MAP6: variants seen among roughly 807,000 people sequenced by gnomAD.
MAP6 encodes the protein microtubule-associated protein 6.
In MAP6, 26 loss-of-function variants were observed where a neutral mutation model predicts 42.4. The observed-to-expected ratio is 0.61, with a 90% confidence interval of 0.45 to 0.85. The LOEUF (loss-of-function observed/expected upper bound fraction) is 0.85, where lower values mean the gene tolerates loss of function less well. Ranked by LOEUF, MAP6 falls within the 40% of genes least tolerant of loss-of-function variation. The probability of loss-of-function intolerance (pLI) is 0.00; values close to 1 mark genes in which losing one functional copy is unlikely to be tolerated. For missense variants in MAP6, 966 were observed against 1,099.0 expected, an observed-to-expected ratio of 0.88 and a Z score of 1.71; for synonymous variants, 418 against 443.8, an observed-to-expected ratio of 0.94 and a Z score of 0.73.
At chr11:75,602,904 G>A (rs1942690319) in intron 3 of MAP6, 4 of 985,654 alleles carry the variant, frequency 4.1e-6, no homozygotes, top group Non-Finnish European at 3.6e-6. Context: ...AAAACTGTTT[G>A]TTTGTTTGTT....
In MAP6 at chr11:75,668,935, C is replaced by G. The variant is rs1475618326; in HGVS notation, c.-566G>C. 1 of 172,730 alleles carries G rather than the reference C, an allele frequency of 5.8e-6. No individual in the cohort carries two copies. The highest frequency in any genetic ancestry group is 1.2e-5 in the Non-Finnish European group (1 of 80,444). 10.7% of individuals were successfully genotyped at this position (172,730 alleles called of 1,614,324 possible). On this transcript the variant is annotated 5_prime_UTR_variant, in exon 1 of 4. Coordinates refer to ENST00000304771, the MANE Select transcript of MAP6 (RefSeq NM_033063.2). The stretch of plus-strand genomic sequence containing the variant: ...AGGATGCCGCAGCCGCCGCCGCCAC[C>G]GCCTCTTCTCCTGGGAAGCGACCCC...
chr11:75,616,741 A>G (rs1943000433), intron 1 of MAP6, among the ~76,000 whole-genome samples: 2 of 152,238 alleles, frequency 1.3e-5, no homozygotes, highest in Non-Finnish European at 2.9e-5. Context: ...ATGTATGTGT[A>G]CATGCTTGTG....
chr11:75,639,620 G>A (rs969990742), intron 1 of MAP6, among the ~76,000 whole-genome samples: 5 of 152,174 alleles, frequency 3.3e-5, no homozygotes, highest in African/African-American at 1.2e-4. Flanking sequence ...AGCTAAACCC[G>A]ACTGAAAGGA....
intron 1 of MAP6, among the ~76,000 whole-genome samples, chr11:75,624,640 T>G (rs904511901): frequency 4.6e-5 from 7 of 152,192 alleles, no homozygotes; most frequent in African/African-American, 1.7e-4. Context: ...CTGCTTCTCT[T>G]TTCTACCCGA....
Position 75,668,078 on chromosome 11 carries a change from C to G in MAP6, c.292G>C (p.Gly98Arg). Residue 98 changes from glycine (G) to arginine (R), a missense_variant, in exon 1 of 4, where the codon GGC (glycine) becomes CGC (arginine). Around this residue, in one of 2 missense-constraint regions of MAP6, gnomAD observed 943 missense variants for 1,049.9 expected, o/e 0.90. Coordinates refer to ENST00000304771, the MANE Select transcript of MAP6 (RefSeq NM_033063.2). ...GGGCCCGGCCCGCTCCGGCCGGGGCCCGCCGCCGGCTCGCGCTCGCCGGTA... is the reference window on the plus strand; with the variant it reads ...GGGCCCGGCCCGCTCCGGCCGGGGCGCGCCGCCGGCTCGCGCTCGCCGGTA... ...GPTGEREPAA[G>R]PGRSGPGPGL... is the part of the protein sequence containing the mutation. 8.2e-7 allele frequency: 1 copy of G among 1,220,764 alleles called. No homozygotes were observed. Among genetic ancestry groups the G allele is most frequent in the Non-Finnish European group, 1.0e-6 (1 of 983,950 alleles). 75.6% of individuals were successfully genotyped at this position (1,220,764 alleles called of 1,614,324 possible).
At chr11:75,637,158 C>A (rs918339879) in intron 1 of MAP6, among the ~76,000 whole-genome samples, 1 of 152,186 alleles carries the variant, frequency 6.6e-6, no homozygotes. Flanking sequence ...GCAAAGCCTT[C>A]TATTAGTGAT....
At chr11:75,637,293 C>T (rs1943385345) in intron 1 of MAP6, among the ~76,000 whole-genome samples, 1 of 152,290 alleles carries the variant, frequency 6.6e-6, no homozygotes, top group East Asian at 1.9e-4. Flanking sequence ...GAATTATTCA[C>T]AGGCTCCTTT....
At chr11:75,606,149 C>T in intron 2 of MAP6, 145 bp from the exon 3 acceptor site, 1 of 961,862 alleles carries the variant, frequency 1.0e-6, no homozygotes, top group Non-Finnish European at 1.5e-6. Flanking sequence ...AAGGTGTTCC[C>T]AAGGACATTA....
chr11:75,642,195 C>T (rs1943482061), intron 1 of MAP6, among the ~76,000 whole-genome samples: 1 of 152,210 alleles, frequency 6.6e-6, no homozygotes, highest in Admixed American at 6.5e-5. Context: ...CTTCCCAACT[C>T]TGTGGTCTTC....
chr11:75,630,755 A>G (rs910468975), intron 1 of MAP6, among the ~76,000 whole-genome samples: 1 of 152,272 alleles, frequency 6.6e-6, no homozygotes, highest in Non-Finnish European at 1.5e-5. Flanking sequence ...AGGAAGCCAT[A>G]GCTACATTTT....
intron 2 of MAP6, 28 bp from the exon 3 acceptor site, chr11:75,606,032 A>G (rs745729864): frequency 8.7e-6 from 14 of 1,607,886 alleles, no homozygotes; most frequent in Non-Finnish European, 1.0e-5. Flanking sequence ...CCGCAAATAC[A>G]GAAACACAAA....
intron 1 of MAP6, among the ~76,000 whole-genome samples, chr11:75,610,300 G>A (rs984505236): frequency 4.6e-5 from 7 of 152,218 alleles, no homozygotes; most frequent in African/African-American, 1.4e-4. Flanking sequence ...GAACCAAATC[G>A]TCTTGTTTTC....
chr11:75,660,662 T>TC (rs1251473970), intron 1 of MAP6, among the ~76,000 whole-genome samples: 1 of 152,210 alleles, frequency 6.6e-6, no homozygotes, highest in Non-Finnish European at 1.5e-5. Context: ...TTATTGGCCT[T>TC]CCCTTCTCTA....
At chr11:75,623,359 C>T (rs1943142658) in intron 1 of MAP6, among the ~76,000 whole-genome samples, 1 of 152,170 alleles carries the variant, frequency 6.6e-6, no homozygotes, top group South Asian at 2.1e-4. Context: ...TCAGAGACGG[C>T]TGCACCAATG....
chr11:75,639,939 G>C (rs1014504973), intron 1 of MAP6, among the ~76,000 whole-genome samples: 1 of 152,156 alleles, frequency 6.6e-6, no homozygotes, highest in African/African-American at 2.4e-5. Flanking sequence ...TCTCACAGCT[G>C]ACTGCCTCCC....
Position 75,605,641 on chromosome 11 carries a change from T to C in MAP6, c.1316+167A>G, listed in dbSNP as rs1236205169. 5 of 1,415,640 alleles carry C rather than the reference T, an allele frequency of 3.5e-6. No individual in the cohort carries two copies. In the East Asian group the frequency reaches 1.1e-4, roughly 30 times the overall value. 87.7% of individuals were successfully genotyped at this position (1,415,640 alleles called of 1,614,324 possible). A position where few individuals can be genotyped will look rare whatever the true frequency, so the allele number is the denominator to read the frequency against. ...CACTCAGTCTGTGAAGCAGGATTCT[T>C]CCATCAAAAGAAGCCAAACCAAAGA... On this transcript the variant is annotated intron_variant, in intron 3 of 3. Transcript: ENST00000304771.
intron 1 of MAP6, among the ~76,000 whole-genome samples, chr11:75,658,038 T>G (rs1022594433): frequency 6.6e-6 from 1 of 152,226 alleles, no homozygotes; most frequent in Non-Finnish European, 1.5e-5. Flanking sequence ...CTATATAATA[T>G]TCTGCTGTAT....
chr11:75,642,137 G>A (rs965607511), intron 1 of MAP6, among the ~76,000 whole-genome samples: 1 of 152,218 alleles, frequency 6.6e-6, no homozygotes, highest in Non-Finnish European at 1.5e-5. Context: ...TCCATCTACT[G>A]TAGCCTTAGG....
At position 75,586,998 on chromosome 11, in the gene MAP6, GC is replaced by G; in HGVS notation, c.*60del. The G allele has an allele frequency of 1.4e-6, 2 of 1,461,988 alleles. No homozygotes were observed. Among genetic ancestry groups the G allele is most frequent in the East Asian group, 2.3e-5 (1 of 43,748 alleles). 90.6% of individuals were successfully genotyped at this position (1,461,988 alleles called of 1,614,324 possible). ...TGCAGATTAAATATGTGTCTTCACT[GC>G]CCCTGGGAGGGGAGCACTCTCACTG... is the stretch of plus-strand genomic sequence containing the variant. On this transcript the variant is annotated 3_prime_UTR_variant, in exon 4 of 4. Transcript: ENST00000304771.
Sources: gnomAD v4.1 joint callset for allele counts (sites outside exome capture counted in the v4.1 genomes callset) on GRCh38, gnomAD v4.1.1 for gene constraint, gnomAD v4.1.1 regional missense constraint, MANE v1.5 for transcripts, NCBI Gene and HGNC (gene_info 2026-07-23, HGNC 2026-07-21) for gene names.